Variants in RGS6 observed in about 807,000 individuals in gnomAD.
The protein encoded by RGS6 is regulator of G protein signaling 6.
Under a neutral mutation model 78.5 loss-of-function variants are expected in RGS6, and 30 were observed. The ratio of observed to expected loss-of-function variants is 0.38; its 90% CI spans 0.29 to 0.52. The LOEUF is 0.52. RGS6 is among the 20% of genes least tolerant of loss of function. The probability of loss-of-function intolerance (pLI) is 0.85; values close to 1 mark genes in which losing one functional copy is unlikely to be tolerated. For synonymous variants in RGS6, 206 were observed against 206.0 expected (o/e 1.00, Z 0.00); for missense variants, 495 against 609.7 (o/e 0.81, Z 1.98).
chr14:72,095,445 G>A (rs2095380486), intron 2 of RGS6, among the ~76,000 whole-genome samples: 2 of 152,134 alleles, frequency 1.3e-5, no homozygotes, highest in Admixed American at 6.5e-5. Context: ...GATTTTCTAG[G>A]AGGGAAGTGC....
intron 1 of RGS6, among the ~76,000 whole-genome samples, chr14:71,956,227 T>TG (rs1448509710): frequency 6.6e-6 from 1 of 151,912 alleles, no homozygotes; most frequent in Admixed American, 6.6e-5. Context: ...GATGGGAGCT[T>TG]GGGGTTGGTG....
intron 2 of RGS6, among the ~76,000 whole-genome samples, chr14:72,005,358 TTA>T (rs1224519706): frequency 3.3e-5 from 5 of 152,194 alleles, no homozygotes; most frequent in African/African-American, 1.2e-4. Flanking sequence ...TGTTATTTAA[TTA>T]TGTGTTAATT....
chr14:71,885,966 C>A, the RGS6 span, among the ~76,000 whole-genome samples: 1 of 150,442 alleles, frequency 6.6e-6, no homozygotes, highest in Non-Finnish European at 1.5e-5. Flanking sequence ...TCTTTTTCTC[C>A]CTCCCTTCCC....
At chr14:72,294,939 G>A (rs959763694) in intron 2 of RGS6, among the ~76,000 whole-genome samples, 4 of 152,172 alleles carry the variant, frequency 2.6e-5, no homozygotes, top group African/African-American at 7.2e-5. Context: ...TCTTAGAATG[G>A]TAGAATAATA....
At chr14:72,240,906 C>T (rs1389504458) in intron 2 of RGS6, among the ~76,000 whole-genome samples, 1 of 152,084 alleles carries the variant, frequency 6.6e-6, no homozygotes, top group African/African-American at 2.4e-5. Flanking sequence ...CCCCTGTAAT[C>T]CCATCACTTT....
chr14:72,297,426 A>AT (rs1567692350), intron 2 of RGS6, among the ~76,000 whole-genome samples: 2 of 144,754 alleles, frequency 1.4e-5, no homozygotes, highest in Non-Finnish European at 1.5e-5. Context: ...TATTATTATT[A>AT]TTATTTTTTT....
intron 2 of RGS6, among the ~76,000 whole-genome samples, chr14:72,060,524 C>G (rs1259310934): frequency 6.6e-6 from 1 of 152,076 alleles, no homozygotes; most frequent in Non-Finnish European, 1.5e-5. Flanking sequence ...TTACCAATGT[C>G]TTTTTAGCTA....
chr14:71,990,615 T>C (rs922583555), intron 2 of RGS6: 7 of 455,968 alleles, frequency 1.5e-5, no homozygotes, highest in Non-Finnish European at 3.1e-5. Context: ...AATCTCTGCA[T>C]ATTCCTTCTT....
At chr14:72,034,310 A>T (rs193124845) in intron 2 of RGS6, among the ~76,000 whole-genome samples, 5 of 151,748 alleles carry the variant, frequency 3.3e-5, no homozygotes, top group Non-Finnish European at 7.4e-5. Context: ...TGGGATTTTC[A>T]TATATGGTCT....
intron 2 of RGS6, among the ~76,000 whole-genome samples, chr14:72,056,697 G>A (rs2093637355): frequency 6.6e-6 from 1 of 152,192 alleles, no homozygotes; most frequent in South Asian, 2.1e-4. Context: ...ACCCCACAGA[G>A]TGAGGACTTT....
chr14:72,253,005 C>T (rs1295710021), intron 2 of RGS6, among the ~76,000 whole-genome samples: 7 of 152,208 alleles, frequency 4.6e-5, no homozygotes. Flanking sequence ...GCTCAGGAAG[C>T]GTGGTAAGCA....
At chr14:72,428,191 G>A (rs2094500420) in intron 3 of RGS6, among the ~76,000 whole-genome samples, 1 of 152,182 alleles carries the variant, frequency 6.6e-6, no homozygotes, top group African/African-American at 2.4e-5. Flanking sequence ...GCAATATAGA[G>A]ATGAGACAGA....
At chr14:72,054,093 C>G (rs2093483310) in intron 2 of RGS6, among the ~76,000 whole-genome samples, 1 of 152,080 alleles carries the variant, frequency 6.6e-6, no homozygotes, top group Non-Finnish European at 1.5e-5. Flanking sequence ...ATAATCCTTC[C>G]CTTTCCAACC....
At chr14:71,878,668 G>T in the RGS6 span, among the ~76,000 whole-genome samples, 1 of 152,176 alleles carries the variant, frequency 6.6e-6, no homozygotes. Context: ...TTGGCTTATG[G>T]TCTGCAGGCT....
chr14:72,095,272 G>C (rs1440873185), intron 2 of RGS6, among the ~76,000 whole-genome samples: 1 of 152,060 alleles, frequency 6.6e-6, no homozygotes, highest in Non-Finnish European at 1.5e-5. Context: ...CTGAATCATT[G>C]GTGGTTTTAG....
At chr14:72,036,813 G>C (rs145156840) in intron 2 of RGS6, among the ~76,000 whole-genome samples, 35 of 152,120 alleles carry the variant, frequency 2.3e-4, no homozygotes, top group African/African-American at 8.0e-4. Context: ...CTAAAAACAA[G>C]GTTTTAATTA....
At chr14:72,197,216 C>A (rs999099353) in intron 2 of RGS6, among the ~76,000 whole-genome samples, 1 of 152,146 alleles carries the variant, frequency 6.6e-6, no homozygotes, top group East Asian at 1.9e-4. Context: ...CAGGTGCACG[C>A]CACCATGCCT....
At chr14:71,986,624 C>G (rs2094722079) in intron 2 of RGS6, among the ~76,000 whole-genome samples, 1 of 152,086 alleles carries the variant, frequency 6.6e-6, no homozygotes, top group African/African-American at 2.4e-5. Flanking sequence ...GTGGGAGGAT[C>G]ACCTGAGCCT....
At chr14:72,251,792 C>T (rs1018423379) in intron 2 of RGS6, among the ~76,000 whole-genome samples, 2 of 152,116 alleles carry the variant, frequency 1.3e-5, no homozygotes, top group African/African-American at 2.4e-5. Context: ...ATTGTTCATT[C>T]CCCCAAACCT....
Sources: allele counts gnomAD v4.1 joint callset (sites outside exome capture counted in the v4.1 genomes callset), GRCh38; gene constraint gnomAD v4.1.1; transcripts MANE v1.5; gene names NCBI Gene and HGNC (gene_info 2026-07-23, HGNC 2026-07-21).